GALNTL6: variants seen among roughly 807,000 people sequenced by gnomAD.
The protein encoded by GALNTL6 is polypeptide N-acetylgalactosaminyltransferase like 6.
A neutral mutation model predicts 73.7 loss-of-function variants in GALNTL6; 46 were observed. That is an observed-to-expected ratio of 0.62 (90% CI 0.49 to 0.80). The LOEUF is 0.80. GALNTL6 is among the 30% of genes least tolerant of loss of function. The pLI is 0.00. For synonymous variants in GALNTL6, 259 were observed against 263.7 expected (o/e 0.98, Z 0.17); for missense variants, 604 against 755.0 (o/e 0.80, Z 2.34).
At chr4:172,601,802 T>C (rs972078602) in intron 5 of GALNTL6, among the ~76,000 whole-genome samples, 1 of 152,068 alleles carries the variant, frequency 6.6e-6, no homozygotes, top group Non-Finnish European at 1.5e-5. Context: ...TTAAGATCTA[T>C]AGGAAAAATA....
intron 2 of GALNTL6, among the ~76,000 whole-genome samples, chr4:172,221,587 A>G (rs886200531): frequency 6.6e-6 from 1 of 151,664 alleles, no homozygotes; most frequent in East Asian, 1.9e-4. Context: ...CTTCACCCTT[A>G]GGAATCACAA....
chr4:172,452,574 TTCTC>T lies in GALNTL6; in HGVS notation c.553+103887_553+103890del, dbSNP rs1172658548. On this transcript the variant is annotated intron_variant, in intron 5 of 12. Coordinates refer to ENST00000506823, the MANE Select transcript of GALNTL6 (RefSeq NM_001034845.3). Reference sequence around the variant, plus strand: ...TGAATATCTTTTGTGGATAAAATCTTTCTCTATTCTTAGGATACTCAGATGAAGC... The same window carrying T: ...TGAATATCTTTTGTGGATAAAATCTTTATTCTTAGGATACTCAGATGAAGC... 6.6e-5 allele frequency among the ~76,000 whole-genome samples: 10 copies of T among 152,306 alleles called. No homozygotes were observed. The East Asian group carries it at 9.6e-4, about 15-fold the overall frequency.
intron 3 of GALNTL6, among the ~76,000 whole-genome samples, chr4:172,253,501 TG>T (rs1737953301): frequency 6.6e-6 from 1 of 151,994 alleles, no homozygotes; most frequent in Non-Finnish European, 1.5e-5. Flanking sequence ...CATTTCACAA[TG>T]ACAATCATTT....
At chr4:172,165,107 G>A (rs948854164) in intron 2 of GALNTL6, among the ~76,000 whole-genome samples, 2 of 152,006 alleles carry the variant, frequency 1.3e-5, no homozygotes, top group Non-Finnish European at 2.9e-5. Flanking sequence ...AATGATTTGT[G>A]TTTCTAAGTT....
chr4:171,846,481 G>C (rs906303296), intron 2 of GALNTL6, among the ~76,000 whole-genome samples: 6 of 152,184 alleles, frequency 3.9e-5, no homozygotes, highest in African/African-American at 7.2e-5. Flanking sequence ...GCTGGGGCTC[G>C]TTGGCTGCAT....
intron 5 of GALNTL6, among the ~76,000 whole-genome samples, chr4:172,736,114 G>A (rs1304849476): frequency 6.6e-6 from 1 of 152,176 alleles, no homozygotes; most frequent in Non-Finnish European, 1.5e-5. Flanking sequence ...GGCACACATT[G>A]TCATTGATGA....
intron 5 of GALNTL6, among the ~76,000 whole-genome samples, chr4:172,664,312 A>T (rs1366105685): frequency 1.3e-5 from 2 of 152,170 alleles, no homozygotes; most frequent in Admixed American, 6.5e-5. Context: ...CTCATTCATA[A>T]TTCTTTATTT....
At chr4:172,572,749 CAT>C (rs1472389028) in intron 5 of GALNTL6, among the ~76,000 whole-genome samples, 4 of 152,050 alleles carry the variant, frequency 2.6e-5, no homozygotes, top group Non-Finnish European at 5.9e-5. Flanking sequence ...ATCTGAAAAA[CAT>C]ATATGTGTTA....
intron 8 of GALNTL6, among the ~76,000 whole-genome samples, chr4:172,891,987 T>C (rs963882347): frequency 6.6e-6 from 1 of 152,238 alleles, no homozygotes; most frequent in African/African-American, 2.4e-5. Context: ...TTTCTTAATA[T>C]GGCCATGTCA....
chr4:172,069,556 T>TTATATATGTTATA (rs1553989778), intron 2 of GALNTL6, among the ~76,000 whole-genome samples: 2 of 74,534 alleles, frequency 2.7e-5, no homozygotes, highest in East Asian at 5.4e-4. Flanking sequence ...CACATATATG[T>TTATATATGTTATA]TATATATAAC....
chr4:172,176,337 CAAAAAAA>C (rs562300659), intron 2 of GALNTL6, among the ~76,000 whole-genome samples: 17 of 31,368 alleles, frequency 5.4e-4, no homozygotes, highest in East Asian at 5.0e-3. Context: ...GACTCCGTCT[CAAAAAAA>C]AAAAAAAAAA....
At chr4:172,103,719 A>G (rs1732588321) in intron 2 of GALNTL6, among the ~76,000 whole-genome samples, 1 of 152,194 alleles carries the variant, frequency 6.6e-6, no homozygotes, top group Non-Finnish European at 1.5e-5. Flanking sequence ...TAAAGAGGAT[A>G]TCTGTGCTAG....
chr4:172,193,476 C>T (rs370538734), intron 2 of GALNTL6, among the ~76,000 whole-genome samples: 2 of 152,046 alleles, frequency 1.3e-5, no homozygotes, highest in Non-Finnish European at 2.9e-5. Context: ...CCAAAAGCAA[C>T]AACAACAACA....
chr4:171,966,392 T>C (rs1739381830), intron 2 of GALNTL6, among the ~76,000 whole-genome samples: 1 of 152,130 alleles, frequency 6.6e-6, no homozygotes, highest in Non-Finnish European at 1.5e-5. Flanking sequence ...GGGATGGACA[T>C]AGCCGCAGAC....
chr4:172,424,730 T>C (rs1731166151), intron 5 of GALNTL6, among the ~76,000 whole-genome samples: 1 of 151,994 alleles, frequency 6.6e-6, no homozygotes, highest in Non-Finnish European at 1.5e-5. Flanking sequence ...GTTTTTATGG[T>C]CCAGAATTGG....
intron 2 of GALNTL6, among the ~76,000 whole-genome samples, chr4:172,165,763 C>T (rs1280452175): frequency 6.6e-6 from 1 of 152,132 alleles, no homozygotes; most frequent in South Asian, 2.1e-4. Flanking sequence ...TTTTGAATCT[C>T]TTATGAAAAT....
intron 2 of GALNTL6, among the ~76,000 whole-genome samples, chr4:171,982,329 G>T (rs1052537516): frequency 3.3e-5 from 5 of 152,112 alleles, no homozygotes; most frequent in South Asian, 4.1e-4. Context: ...ACGGAGTCTC[G>T]CTCTGTCACC....
intron 2 of GALNTL6, among the ~76,000 whole-genome samples, chr4:172,031,001 C>G (rs1163911337): frequency 1.3e-5 from 2 of 151,994 alleles, no homozygotes; most frequent in East Asian, 3.9e-4. Context: ...AATGTATGCC[C>G]TCTTCCTACC....
At chr4:173,027,013 A>T (rs904647453) in intron 12 of GALNTL6, among the ~76,000 whole-genome samples, 25 of 152,246 alleles carry the variant, frequency 1.6e-4, no homozygotes, top group African/African-American at 6.0e-4. Flanking sequence ...TTTGAGACGG[A>T]CTTTCGCTCT....
Sources: allele counts gnomAD v4.1 joint callset (sites outside exome capture counted in the v4.1 genomes callset), GRCh38; gene constraint gnomAD v4.1.1; transcripts MANE v1.5; gene names NCBI Gene and HGNC (gene_info 2026-07-23, HGNC 2026-07-21).